SNX29: variants seen among roughly 807,000 people sequenced by gnomAD.
SNX29 encodes sorting nexin-29.
SNX29 carries 78 observed loss-of-function variants against 102.1 expected under a neutral mutation model. The observed-to-expected ratio is 0.76, with a 90% confidence interval of 0.64 to 0.92. SNX29 has a LOEUF of 0.92. Ranked by LOEUF, SNX29 falls within the 40% of genes least tolerant of loss-of-function variation. The pLI is 0.00. For synonymous variants in SNX29, 580 were observed against 414.5 expected, an observed-to-expected ratio of 1.40 and a Z score of -4.85; for missense variants, 1,280 against 1,061.7, an observed-to-expected ratio of 1.21 and a Z score of -2.86.
intron 15 of SNX29, among the ~76,000 whole-genome samples, chr16:12,299,138 A>G (rs1409702795): frequency 6.6e-6 from 1 of 152,096 alleles, no homozygotes; most frequent in Non-Finnish European, 1.5e-5. Flanking sequence ...TATCTCTACT[A>G]AAAATACAAA....
chr16:12,015,976 T>C (rs1192029978), intron 3 of SNX29, among the ~76,000 whole-genome samples: 2 of 151,946 alleles, frequency 1.3e-5, no homozygotes, highest in East Asian at 1.9e-4. Context: ...GCAATTCTCC[T>C]GTCTCAGCCT....
chr16:12,477,535 C>G (rs919566355), intron 18 of SNX29, among the ~76,000 whole-genome samples, 184 bp from the exon 19 acceptor site: 4 of 152,204 alleles, frequency 2.6e-5, no homozygotes, highest in Admixed American at 6.5e-5. Context: ...TCATTCTTGC[C>G]TGTACCCATC....
chr16:12,318,946 C>T (rs1002640713), intron 15 of SNX29, among the ~76,000 whole-genome samples: 9 of 152,050 alleles, frequency 5.9e-5, no homozygotes, highest in Admixed American at 1.3e-4. Flanking sequence ...CAGGTGTGGG[C>T]GTGATTACCC....
chr16:12,143,833 G>C (rs1300056053), intron 13 of SNX29, among the ~76,000 whole-genome samples: 1 of 152,164 alleles, frequency 6.6e-6, no homozygotes, highest in African/African-American at 2.4e-5. Context: ...AAACTTTGCT[G>C]AACATCATAG....
chr16:12,554,812 G>C lies in SNX29; in HGVS notation c.2319-13694G>C, dbSNP rs139767298. On this transcript the variant is annotated intron_variant, in intron 20 of 20. Coordinates refer to ENST00000566228, the MANE Select transcript of SNX29 (RefSeq NM_032167.5). ...ATTGTTTATTCTAGAAATTTGTATT[G>C]AGCACCTGCTCTGTGCCATTCTTTC... Among the ~76,000 whole-genome samples the C allele has an allele frequency of 1.1e-3, 169 of 152,214 alleles. 1 individual carries two copies. Among genetic ancestry groups the C allele is most frequent in the African/African-American group, 3.6e-3 (150 of 41,534 alleles).
At chr16:12,276,948 C>G (rs139806899) in intron 14 of SNX29, among the ~76,000 whole-genome samples, 117 of 152,272 alleles carry the variant, frequency 7.7e-4, no homozygotes, top group African/African-American at 2.6e-3. Context: ...GGTTTTCTTG[C>G]TGTCATCCTA....
At chr16:12,189,356 G>C (rs559292477) in intron 13 of SNX29, among the ~76,000 whole-genome samples, 1 of 152,354 alleles carries the variant, frequency 6.6e-6, no homozygotes, top group South Asian at 2.1e-4. Context: ...GGCTAGAACA[G>C]TTGTCTCTTT....
At chr16:12,164,945 C>A (rs1053301157) in intron 13 of SNX29, among the ~76,000 whole-genome samples, 14 of 152,170 alleles carry the variant, frequency 9.2e-5, no homozygotes, top group Admixed American at 5.9e-4. Flanking sequence ...ACCTTGATCT[C>A]CCAAAGTGCT....
intron 7 of SNX29, among the ~76,000 whole-genome samples, chr16:12,048,834 A>C (rs1206342998): frequency 6.6e-6 from 1 of 152,190 alleles, no homozygotes; most frequent in African/African-American, 2.4e-5. Context: ...AAAAATGAAC[A>C]GCTCAACCAT....
At chr16:12,357,350 AT>A (rs2082164173) in intron 16 of SNX29, among the ~76,000 whole-genome samples, 2 of 152,308 alleles carry the variant, frequency 1.3e-5, no homozygotes, top group Non-Finnish European at 2.9e-5. Context: ...ACAAAAAAAA[AT>A]ACAATATCCT....
chr16:12,554,726 T>C (rs1266115666), intron 20 of SNX29, among the ~76,000 whole-genome samples: 2 of 152,182 alleles, frequency 1.3e-5, no homozygotes, highest in African/African-American at 4.8e-5. Flanking sequence ...TCTTTCAGTC[T>C]TTCAGTTTGC....
intron 18 of SNX29, among the ~76,000 whole-genome samples, chr16:12,467,086 G>T (rs1016461412): frequency 6.6e-6 from 1 of 152,186 alleles, no homozygotes; most frequent in Non-Finnish European, 1.5e-5. Flanking sequence ...CATGAAGTCG[G>T]GCAGACCTGG....
At chr16:12,013,534 T>TATAG (rs2056746770) in intron 3 of SNX29, among the ~76,000 whole-genome samples, 6 of 112,016 alleles carry the variant, frequency 5.4e-5, no homozygotes, top group Non-Finnish European at 1.1e-4. Flanking sequence ...TATATATATA[T>TATAG]ATATATATCG....
intron 20 of SNX29, among the ~76,000 whole-genome samples, chr16:12,553,301 C>T (rs936809694): frequency 2.0e-5 from 3 of 152,186 alleles, no homozygotes; most frequent in African/African-American, 7.2e-5. Context: ...AATGAGTGGG[C>T]ACCTGGCCCT....
intron 3 of SNX29, among the ~76,000 whole-genome samples, chr16:12,004,350 A>G (rs1157947750): frequency 6.6e-6 from 1 of 152,144 alleles, no homozygotes; most frequent in Non-Finnish European, 1.5e-5. Flanking sequence ...CAAAAAAAAA[A>G]AAAAATTCCT....
chr16:12,527,825 TC>T (rs1247126678), intron 20 of SNX29, among the ~76,000 whole-genome samples: 5 of 149,934 alleles, frequency 3.3e-5, no homozygotes, highest in African/African-American at 1.2e-4. Flanking sequence ...TTCTTCTTCT[TC>T]TTTTTTTTTT....
At chr16:12,486,078 T>C (rs2088214823) in intron 19 of SNX29, among the ~76,000 whole-genome samples, 1 of 152,228 alleles carries the variant, frequency 6.6e-6, no homozygotes, top group Admixed American at 6.5e-5. Flanking sequence ...TGCATTTCTT[T>C]CTAGAGACTC....
chr16:12,486,491 G>T (rs776358483), intron 19 of SNX29, among the ~76,000 whole-genome samples: 14 of 152,210 alleles, frequency 9.2e-5, no homozygotes, highest in African/African-American at 1.9e-4. Context: ...TTACAAATGG[G>T]GCAGCAGAGG....
rs569784491 is a variant in SNX29 at position 12,371,661 on chromosome 16, G to T, written c.1899+15382G>T. Among the ~76,000 whole-genome samples, 3 of 152,174 alleles carry T rather than the reference G, an allele frequency of 2.0e-5. No individual in the cohort carries two copies. In the South Asian group the frequency reaches 6.2e-4, roughly 32 times the overall value. On this transcript the variant is annotated intron_variant, in intron 16 of 20. Transcript: ENST00000566228. The stretch of plus-strand genomic sequence containing the variant: ...TCCTTTCGTTTCTCCTGTCCAGGGT[G>T]TCATTGCCTATGCCAGCCTGAGTGT...
Sources: gnomAD v4.1 joint callset for allele counts (sites outside exome capture counted in the v4.1 genomes callset) on GRCh38, gnomAD v4.1.1 for gene constraint, MANE v1.5 for transcripts, NCBI Gene and HGNC (gene_info 2026-07-23, HGNC 2026-07-21) for gene names.